The following RNF19A variants were observed in gnomAD, a reference collection of about 807,000 sequenced individuals.
RNF19A encodes E3 ubiquitin-protein ligase RNF19A.
A neutral mutation model predicts 75.7 loss-of-function variants in RNF19A; 32 were observed. The observed-to-expected ratio is 0.42, with a 90% confidence interval of 0.32 to 0.57. The LOEUF is 0.57. Ranked by LOEUF, RNF19A falls within the 20% of genes least tolerant of loss-of-function variation. The pLI, the probability that RNF19A is intolerant of heterozygous loss-of-function variation, is 0.10. For missense variants in RNF19A, 782 were observed against 1,036.3 expected (o/e 0.75, Z 3.37); for synonymous variants, 335 against 345.2 (o/e 0.97, Z 0.33).
intron 1 of RNF19A, among the ~76,000 whole-genome samples, chr8:100,305,607 A>C (rs989252008): frequency 6.6e-6 from 1 of 152,258 alleles, no homozygotes; most frequent in Non-Finnish European, 1.5e-5. Context: ...CTATTGGACA[A>C]CACTGCTGAA....
intron 1 of RNF19A, among the ~76,000 whole-genome samples, chr8:100,290,987 G>A (rs886070579): frequency 6.6e-6 from 1 of 152,154 alleles, no homozygotes; most frequent in African/African-American, 2.4e-5. Context: ...GTCCTTAGAG[G>A]TCAACCTCCT....
At chr8:100,300,834 CT>C (rs1296314160) in intron 1 of RNF19A, among the ~76,000 whole-genome samples, 1 of 152,136 alleles carries the variant, frequency 6.6e-6, no homozygotes, top group Non-Finnish European at 1.5e-5. Context: ...CAGAGTGAGT[CT>C]TTTAAGTAAG....
chr8:100,312,625 GAGAA>G (rs202138277), upstream of RNF19A, among the ~76,000 whole-genome samples: 2,609 of 151,720 alleles, frequency 0.017, 29 homozygotes, highest in Middle Eastern at 0.031. Context: ...GAGGGAGGGA[GAGAA>G]AGAAAGAAAG....
chr8:100,306,099 A>G (rs1822051783), intron 1 of RNF19A, among the ~76,000 whole-genome samples: 2 of 152,158 alleles, frequency 1.3e-5, no homozygotes, highest in Non-Finnish European at 2.9e-5. Flanking sequence ...CCTGCCTGCT[A>G]TTCAAATCAT....
At chr8:100,268,305 A>G (rs10156261) in intron 5 of RNF19A, among the ~76,000 whole-genome samples, 8,841 of 152,042 alleles carry the variant, frequency 0.058, 853 homozygotes, top group African/African-American at 0.2. Flanking sequence ...CTTTCACAAG[A>G]TTGTTATAAT....
chr8:100,297,138 G>A (rs1821602548), intron 1 of RNF19A, among the ~76,000 whole-genome samples: 1 of 151,994 alleles, frequency 6.6e-6, no homozygotes, highest in African/African-American at 2.4e-5. Context: ...TTCCTTATGA[G>A]GTAAGTCAAT....
rs183744206 is a variant in RNF19A at position 100,263,003 on chromosome 8, G to A, written c.1468+1031C>T. On this transcript the variant is annotated intron_variant, in intron 7 of 9. Transcript: ENST00000341084. ...GATGAAGGGAAGAAGAGATTTTAGA[G>A]CCAAGAATTTGGCTGTAGACAAGTT... 7.2e-5 allele frequency among the ~76,000 whole-genome samples: 11 copies of A among 152,274 alleles called. No individual in the cohort carries two copies. In the East Asian group the frequency reaches 1.5e-3, roughly 21 times the overall value.
In RNF19A at chr8:100,264,116, G is replaced by A. The variant is rs866332139; in HGVS notation, c.1386C>T (p.Val462=). 1 of 1,613,578 alleles carries A rather than the reference G, an allele frequency of 6.2e-7. No homozygotes were observed. The highest frequency in any genetic ancestry group is 8.5e-7 in the Non-Finnish European group (1 of 1,179,698). Residue 462 remains valine, a synonymous_variant, in exon 7 of 10, where the codon GTC becomes GTT. Transcript: ENST00000341084. This position sits in a 1 kb window ranked among gnomAD's most constrained non-coding sequence, Gnocchi z 4.7. ...ISLCRSGGCG[V]SAGNGKGVRI... ...TAACTCCTTTTCCATTGCCTGCTGA[G>A]ACTCCACAACCTCCGCTTCGACAAA...
chr8:100,318,707 C>A (rs1336798725), intron 1 of RNF19A, among the ~76,000 whole-genome samples: 4 of 152,212 alleles, frequency 2.6e-5, no homozygotes, highest in Non-Finnish European at 4.4e-5. Flanking sequence ...CAAGCTGGAA[C>A]ACTCTTAGAT....
chr8:100,285,238 ATTTTC>A (rs1398321128), intron 2 of RNF19A, among the ~76,000 whole-genome samples: 1 of 151,940 alleles, frequency 6.6e-6, no homozygotes, highest in African/African-American at 2.4e-5. Flanking sequence ...ATTCACCTAT[ATTTTC>A]TTTTAATTTT....
At chr8:100,266,923 T>C (rs1176833683) in intron 5 of RNF19A, among the ~76,000 whole-genome samples, 2 of 152,334 alleles carry the variant, frequency 1.3e-5, no homozygotes, top group Non-Finnish European at 2.9e-5. Context: ...AAATAGTATA[T>C]ATTATTTTTC....
At chr8:100,274,735 T>C (rs1254405661) in intron 3 of RNF19A, among the ~76,000 whole-genome samples, 2 of 152,182 alleles carry the variant, frequency 1.3e-5, no homozygotes, top group Non-Finnish European at 2.9e-5. Flanking sequence ...ATCAGTTATA[T>C]AAATCATCAC....
intron 3 of RNF19A, among the ~76,000 whole-genome samples, chr8:100,270,808 T>C (rs1450054537): frequency 6.6e-6 from 1 of 152,190 alleles, no homozygotes; most frequent in East Asian, 1.9e-4. Context: ...TACTCAACTG[T>C]TGTTGGTCTA....
Position 100,287,763 on chromosome 8 carries a change from G to T in RNF19A, c.412C>A (p.Arg138=). Residue 138 remains arginine (R), a synonymous_variant, in exon 2 of 10, where the codon CGG becomes AGG. Transcript: ENST00000341084. The surrounding 1 kb of genome is among the most constrained non-coding windows in gnomAD (Gnocchi z 4.1). ...DFIECPLCLL[R]HSKDRFPDIM... ...TCAGGAAATCTGTCTTTAGAATGCC[G>T]CAAAAGGCACAAAGGGCACTCTATG... 3 of 1,614,060 alleles carry T rather than the reference G, an allele frequency of 1.9e-6. No individual in the cohort carries two copies. Among genetic ancestry groups the T allele is most frequent in the Non-Finnish European group, 2.5e-6 (3 of 1,179,996 alleles).
At chr8:100,273,895 G>A (rs952828551) in intron 3 of RNF19A, among the ~76,000 whole-genome samples, 1 of 152,104 alleles carries the variant, frequency 6.6e-6, no homozygotes, top group Non-Finnish European at 1.5e-5. Context: ...TGATTCTCCT[G>A]CCTCACCTCC....
Position 100,275,009 on chromosome 8 carries a change from C to T in RNF19A, c.827G>A (p.Arg276His), listed in dbSNP as rs753606482. 5.0e-6 allele frequency: 8 copies of T among 1,613,976 alleles called. No individual in the cohort carries two copies. The highest frequency in any genetic ancestry group is 4.5e-5 in the East Asian group (2 of 44,888). The change falls in exon 3 of 10, where the codon CGT (arginine) becomes CAT (histidine). Residue 276 changes from arginine to histidine, a missense_variant. Physicochemically the swap from Arg to His is conservative, Grantham distance 29. Coordinates refer to ENST00000341084, the MANE Select transcript of RNF19A (RefSeq NM_183419.4). This position sits in a 1 kb window ranked among gnomAD's most constrained non-coding sequence, Gnocchi z 4.3. ...GGATGAAGAACGTATAGTTCTCAAA[C>T]GTAAGCTCTGGGCTCTCTCTTGTCG... Reference protein sequence around the residue: ...AARQERAQSLRLRTIRSSSIS... With the variant: ...AARQERAQSLHLRTIRSSSIS...
At position 100,319,064 on chromosome 8, in the gene RNF19A, G is replaced by T. The variant is rs1031086439; in HGVS notation, c.-242-5692C>A. Among the ~76,000 whole-genome samples, 38 of 152,174 alleles carry T rather than the reference G, an allele frequency of 2.5e-4. 1 individual carries two copies. The highest frequency in any genetic ancestry group is 2.5e-3 in the Admixed American group (38 of 15,270). Reference sequence around the variant, plus strand: ...GTAAAGCTGAATAAAGAAATTCACCGTAATCAAATTACTGAGGAATATATT... The same window carrying T: ...GTAAAGCTGAATAAAGAAATTCACCTTAATCAAATTACTGAGGAATATATT... On this transcript the variant is annotated intron_variant, in intron 1 of 3. Coordinates refer to the RNF19A transcript ENST00000519527.
In RNF19A at chr8:100,260,031, T is replaced by C. The variant is rs1196530592; in HGVS notation, c.1683-34A>G. The C allele has an allele frequency of 1.3e-6, 2 of 1,583,370 alleles. No homozygotes were observed. The highest frequency in any genetic ancestry group is 2.2e-5 in the East Asian group (1 of 44,704). On this transcript the variant is annotated intron_variant, in intron 8 of 9. Coordinates refer to ENST00000341084, the MANE Select transcript of RNF19A (RefSeq NM_183419.4). The surrounding 1 kb of genome is among the most constrained non-coding windows in gnomAD (Gnocchi z 4.1). ...GGGGTATGAAATCACCAAAATTATATTTAATATCAGCACTACTGTAATATG... is the reference window on the plus strand; with the variant it reads ...GGGGTATGAAATCACCAAAATTATACTTAATATCAGCACTACTGTAATATG...
chr8:100,309,765 G>A, intron 1 of RNF19A, 102 bp downstream of exon 1: 1 of 985,456 alleles, frequency 1.0e-6, no homozygotes, highest in Non-Finnish European at 1.2e-6. Flanking sequence ...CCGGGCAGGG[G>A]CGCTAGGGCT....
Sources: gnomAD v4.1 joint callset for allele counts (sites outside exome capture counted in the v4.1 genomes callset) on GRCh38, gnomAD v4.1.1 for gene constraint, Gnocchi (gnomAD v3.1) non-coding constraint, MANE v1.5 for transcripts, NCBI Gene and HGNC (gene_info 2026-07-23, HGNC 2026-07-21) for gene names.